The following ESRRG variants were observed in gnomAD, a reference collection of about 807,000 sequenced individuals.
ESRRG encodes the protein estrogen-related receptor gamma.
In ESRRG, 13 loss-of-function variants were observed where a neutral mutation model predicts 44.0. That is an observed-to-expected ratio of 0.30 (90% CI 0.19 to 0.47). The LOEUF (loss-of-function observed/expected upper bound fraction) is 0.47, where lower values mean the gene tolerates loss of function less well. ESRRG is among the 20% of genes least tolerant of loss of function. ESRRG has a pLI of 1.00. For missense variants in ESRRG, 395 were observed against 580.6 expected (o/e 0.68, Z 3.29); for synonymous variants, 215 against 214.6 (o/e 1.00, Z -0.02).
intron 5 of ESRRG, among the ~76,000 whole-genome samples, chr1:216,520,728 A>G (rs2045830110): frequency 3.3e-5 from 5 of 152,192 alleles, no homozygotes; most frequent in Admixed American, 3.3e-4. Context: ...TCCTGCCACC[A>G]GTAATTCTAC....
intron 1 of ESRRG, among the ~76,000 whole-genome samples, chr1:216,705,897 G>T (rs2151919697): frequency 6.6e-6 from 1 of 152,332 alleles, no homozygotes; most frequent in Non-Finnish European, 1.5e-5. Flanking sequence ...GATGCTGCCT[G>T]CCTGGGCATG....
rs375531448 is a variant in ESRRG, at chr1:216,693,802, T to C, written c.57-16311A>G. Among the ~76,000 whole-genome samples, 246 of 152,346 alleles carry C rather than the reference T, an allele frequency of 1.6e-3. 2 individuals are homozygous for C. Among genetic ancestry groups the C allele is most frequent in the African/African-American group, 5.6e-3 (232 of 41,580 alleles). On this transcript the variant is annotated intron_variant, in intron 1 of 6. Coordinates refer to ENST00000408911, the MANE Select transcript of ESRRG (RefSeq NM_001438.4). ...ATGGAGAAATGACTGTACAAACTTA[T>C]GTTTCCATCCTTCCTCTATGAATTA... is the stretch of plus-strand genomic sequence containing the variant.
intron 2 of ESRRG, among the ~76,000 whole-genome samples, chr1:216,915,899 TGCA>T (rs1387499065): frequency 1.3e-5 from 2 of 152,198 alleles, no homozygotes; most frequent in Non-Finnish European, 2.9e-5. Context: ...CTCGTTGGCA[TGCA>T]GTGTGACAGT....
At chr1:216,623,231 C>T (rs1365958611) in intron 3 of ESRRG, among the ~76,000 whole-genome samples, 1 of 151,814 alleles carries the variant, frequency 6.6e-6, no homozygotes, top group East Asian at 1.9e-4. Context: ...TACAGGGGCC[C>T]ACCACCACGC....
At chr1:216,700,474 CCT>C (rs2081180822) in intron 1 of ESRRG, among the ~76,000 whole-genome samples, 1 of 152,114 alleles carries the variant, frequency 6.6e-6, no homozygotes, top group African/African-American at 2.4e-5. Context: ...TTAAGGACCA[CCT>C]CTCAGACACA....
intron 1 of ESRRG, among the ~76,000 whole-genome samples, chr1:216,941,195 T>G (rs543533319): frequency 3.9e-5 from 6 of 152,244 alleles, no homozygotes; most frequent in South Asian, 2.1e-4. Flanking sequence ...AAAGAAACAC[T>G]AGGAGAGGAC....
chr1:216,513,497 T>G (rs1364643155), intron 6 of ESRRG, among the ~76,000 whole-genome samples: 2 of 152,150 alleles, frequency 1.3e-5, no homozygotes, highest in Non-Finnish European at 2.9e-5. Context: ...ATACTGTTAG[T>G]TTTTTTAGAA....
chr1:217,064,057 C>CTATA (rs1366812430), intron 1 of ESRRG, among the ~76,000 whole-genome samples: 2 of 144,508 alleles, frequency 1.4e-5, no homozygotes, highest in African/African-American at 4.9e-5. Flanking sequence ...TATACACACC[C>CTATA]TATATACATA....
chr1:216,755,207 A>G (rs950408717), intron 2 of ESRRG, among the ~76,000 whole-genome samples: 1 of 151,956 alleles, frequency 6.6e-6, no homozygotes, highest in African/African-American at 2.4e-5. Context: ...AAACTGGTGA[A>G]TTTTTGATGT....
intron 1 of ESRRG, among the ~76,000 whole-genome samples, chr1:217,007,857 A>C (rs6656656): frequency 0.064 from 9,767 of 152,204 alleles, 808 homozygotes; most frequent in African/African-American, 0.19. Flanking sequence ...AAAAATCCCA[A>C]GCCAATTATG....
At chr1:217,043,124 A>T (rs754977916) in intron 1 of ESRRG, among the ~76,000 whole-genome samples, 3 of 152,172 alleles carry the variant, frequency 2.0e-5, no homozygotes, top group African/African-American at 4.8e-5. Flanking sequence ...ACACACAAAG[A>T]CTTAATAATA....
At chr1:216,569,794 A>G (rs1425963561) in intron 3 of ESRRG, among the ~76,000 whole-genome samples, 1 of 152,230 alleles carries the variant, frequency 6.6e-6, no homozygotes, top group African/African-American at 2.4e-5. Flanking sequence ...GATTTGGTTT[A>G]ACAGCATCAT....
chr1:216,911,800 C>T (rs997265297), intron 2 of ESRRG, among the ~76,000 whole-genome samples: 3 of 151,960 alleles, frequency 2.0e-5, no homozygotes, highest in East Asian at 1.9e-4. Context: ...CTGGGTGTGG[C>T]GGCATATGCC....
At chr1:216,827,289 T>G (rs2095413682) in intron 2 of ESRRG, among the ~76,000 whole-genome samples, 2 of 152,224 alleles carry the variant, frequency 1.3e-5, no homozygotes, top group Admixed American at 1.3e-4. Context: ...ATGTTCTCCC[T>G]TATTGTATTA....
intron 1 of ESRRG, among the ~76,000 whole-genome samples, chr1:216,700,673 TGAG>T (rs1373861125): frequency 6.6e-6 from 1 of 152,210 alleles, no homozygotes; most frequent in Non-Finnish European, 1.5e-5. Flanking sequence ...AAACTGAAGA[TGAG>T]AACCTCTTCA....
rs550776862 is a variant in ESRRG at position 216,560,925 on chromosome 1, C to T, written c.862+3294G>A. ...CAATTTCCAAGGATATAAAAGGATGCTAATGGCTGGGCCCTGTCATTCTTA... is the reference window on the plus strand; with the variant it reads ...CAATTTCCAAGGATATAAAAGGATGTTAATGGCTGGGCCCTGTCATTCTTA... On this transcript the variant is annotated intron_variant, in intron 5 of 6. Transcript: ENST00000408911. 3.9e-5 allele frequency among the ~76,000 whole-genome samples: 6 copies of T among 152,272 alleles called. No individual in the cohort carries two copies. The South Asian group carries it at 1.2e-3, about 32-fold the overall frequency.
chr1:217,035,297 G>A (rs1030677496), intron 1 of ESRRG, among the ~76,000 whole-genome samples: 1 of 135,312 alleles, frequency 7.4e-6, no homozygotes, highest in Admixed American at 8.6e-5. Flanking sequence ...ACCAGCCTGG[G>A]CAGCCTAGCG....
intron 1 of ESRRG, among the ~76,000 whole-genome samples, chr1:217,130,559 T>A (rs572474374): frequency 5.9e-5 from 9 of 152,326 alleles, no homozygotes; most frequent in Middle Eastern, 3.4e-3. Flanking sequence ...TTCCTGATGT[T>A]ACATCTCCAC....
At chr1:217,018,692 T>C (rs2079820657) in intron 1 of ESRRG, among the ~76,000 whole-genome samples, 1 of 152,164 alleles carries the variant, frequency 6.6e-6, no homozygotes, top group Non-Finnish European at 1.5e-5. Flanking sequence ...GCTATGACTG[T>C]CCTTCCCCAA....
Sources: gnomAD v4.1 joint callset for allele counts (sites outside exome capture counted in the v4.1 genomes callset) on GRCh38, gnomAD v4.1.1 for gene constraint, MANE v1.5 for transcripts, NCBI Gene and HGNC (gene_info 2026-07-23, HGNC 2026-07-21) for gene names.